Variants in MYH11 observed in about 807,000 individuals in gnomAD.
MYH11 encodes myosin-11.
Under a neutral mutation model 246.6 loss-of-function variants are expected in MYH11, and 80 were observed. The observed-to-expected ratio is 0.32, with a 90% confidence interval of 0.27 to 0.39. The LOEUF (loss-of-function observed/expected upper bound fraction) is 0.39. Among genes scored for constraint, MYH11 ranks in the 10% least tolerant of loss-of-function variants. The pLI, the probability that MYH11 is intolerant of heterozygous loss-of-function variation, is 1.00. For missense variants in MYH11, 2,158 were observed against 2,546.8 expected, an observed-to-expected ratio of 0.85 and a Z score of 3.29; for synonymous variants, 1,071 against 1,015.5, an observed-to-expected ratio of 1.05 and a Z score of -1.04.
intron 2 of MYH11, among the ~76,000 whole-genome samples, chr16:15,826,445 TG>T (rs1329208704): frequency 6.6e-6 from 1 of 151,722 alleles, no homozygotes; most frequent in Non-Finnish European, 1.5e-5. Context: ...AAAAATTAGC[TG>T]GGCATGGTGG....
At chr16:15,711,575 A>G (rs1265409679) in intron 40 of MYH11, among the ~76,000 whole-genome samples, 1 of 152,196 alleles carries the variant, frequency 6.6e-6, no homozygotes, top group Non-Finnish European at 1.5e-5. Flanking sequence ...AGATCAAGTC[A>G]TTGGTATTAA....
chr16:15,751,118 G>GTATTAT (rs56124315), intron 15 of MYH11, among the ~76,000 whole-genome samples: 465 of 143,300 alleles, frequency 3.2e-3, no homozygotes, highest in East Asian at 4.1e-3. Context: ...CAAAAAGTAG[G>GTATTAT]TATTATTATT....
intron 13 of MYH11, among the ~76,000 whole-genome samples, 192 bp from the exon 14 acceptor site, chr16:15,756,706 A>G (rs536423008): frequency 3.3e-5 from 5 of 152,096 alleles, no homozygotes; most frequent in Non-Finnish European, 2.9e-5. Context: ...CCAATGGACC[A>G]GTAACAGGGA....
At chr16:15,798,478 T>C (rs1288600460) in intron 4 of MYH11, among the ~76,000 whole-genome samples, 182 bp downstream of exon 4, 1 of 152,020 alleles carries the variant, frequency 6.6e-6, no homozygotes, top group Non-Finnish European at 1.5e-5. Context: ...CAGAAGACCA[T>C]ATATCACAAA....
At chr16:15,800,428 GAAGA>G (rs772435042) in intron 3 of MYH11, among the ~76,000 whole-genome samples, 1 of 151,150 alleles carries the variant, frequency 6.6e-6, no homozygotes, top group African/African-American at 2.4e-5. Context: ...GGATAGATAG[GAAGA>G]AAGAAAGAAG....
At chr16:15,827,369 G>A (rs1264519101) in intron 2 of MYH11, among the ~76,000 whole-genome samples, 5 of 152,214 alleles carry the variant, frequency 3.3e-5, no homozygotes, top group African/African-American at 1.2e-4. Context: ...ACCAGCTCAA[G>A]ACAAAGCAGG....
intron 13 of MYH11, among the ~76,000 whole-genome samples, chr16:15,756,758 C>T (rs1178671711): frequency 6.6e-6 from 1 of 150,840 alleles, no homozygotes; most frequent in Non-Finnish European, 1.5e-5. Context: ...CCCTAGTGGG[C>T]AACACGCAGG....
chr16:15,711,208 C>G (rs1456930006), intron 40 of MYH11: 1 of 152,356 alleles, frequency 6.6e-6, no homozygotes, highest in Admixed American at 6.5e-5. Flanking sequence ...CCCTGTCTCA[C>G]GCAGTGGTCC....
intron 1 of MYH11, among the ~76,000 whole-genome samples, chr16:15,841,182 A>G (rs2151384740): frequency 6.6e-6 from 1 of 152,304 alleles, no homozygotes. Flanking sequence ...TCTGTTGTCT[A>G]TGCTGGAGGG....
chr16:15,720,014 TCCAGAAAAACC>T, intron 34 of MYH11, 126 bp downstream of exon 34: 1 of 1,263,756 alleles, frequency 7.9e-7, no homozygotes, highest in Admixed American at 1.8e-5. Flanking sequence ...CCTGAATGGT[TCCAGAAAAACC>T]CCAGCTGAAC....
In MYH11 at chr16:15,715,016, G is replaced by A. The variant is rs1382247634; in HGVS notation, c.5679C>T (p.Ser1893=). 2 of 1,613,780 alleles carry A rather than the reference G, an allele frequency of 1.2e-6. No individual in the cohort carries two copies. Among genetic ancestry groups the A allele is most frequent in the African/African-American group, 1.3e-5 (1 of 74,908 alleles). The change falls in exon 40 of 41, where the codon TCC becomes TCT. Residue 1893 remains serine (S), a synonymous_variant. Transcript: ENST00000300036. ...TCCTGCGGTTGGCGTTGATGCGCTG[G>A]GACTCCTCCTCTGCCTCCTCCAGCT... ...KRQLEEAEEE[S]QRINANRRKL...
intron 11 of MYH11, 128 bp from the exon 12 acceptor site, chr16:15,759,856 G>T: frequency 1.6e-6 from 2 of 1,226,746 alleles, no homozygotes; most frequent in Non-Finnish European, 1.1e-6. Flanking sequence ...CAGCACTTTG[G>T]GAGGCCGAGG....
At chr16:15,707,186 G>A (rs1567672492) in intron 40 of MYH11, among the ~76,000 whole-genome samples, 1 of 152,198 alleles carries the variant, frequency 6.6e-6, no homozygotes, top group East Asian at 1.9e-4. Context: ...CTACAGACAT[G>A]CCACCACTCC....
At chr16:15,728,554 T>C (rs989925887) in intron 27 of MYH11, among the ~76,000 whole-genome samples, 5 of 151,782 alleles carry the variant, frequency 3.3e-5, no homozygotes, top group African/African-American at 1.2e-4. Context: ...AAGGGAAACT[T>C]ATTTTATGGA....
chr16:15,739,957 G>C (rs2041224660), intron 23 of MYH11, 94 bp downstream of exon 23: 7 of 1,365,276 alleles, frequency 5.1e-6, no homozygotes, highest in Non-Finnish European at 7.2e-6. Context: ...GGCCAGGCTA[G>C]TCTCAAACTC....
At chr16:15,726,704 C>T in intron 28 of MYH11, 144 bp downstream of exon 28, 3 of 935,056 alleles carry the variant, frequency 3.2e-6, no homozygotes, top group South Asian at 1.4e-5. Context: ...ACAGGGAGAT[C>T]ATCGCCTCTC....
intron 40 of MYH11, among the ~76,000 whole-genome samples, chr16:15,711,510 A>G (rs753758900): frequency 6.6e-6 from 1 of 152,192 alleles, no homozygotes; most frequent in East Asian, 1.9e-4. Context: ...GTTTAAAAAT[A>G]TAGAGGAGGT....
chr16:15,785,011 T>TTTTTTTTC (rs2042437530), intron 5 of MYH11: 1 of 239,124 alleles, frequency 4.2e-6, no homozygotes, highest in African/African-American at 2.8e-5. Flanking sequence ...TCTCTTGATT[T>TTTTTTTTC]TTTTTTTTTT....
intron 6 of MYH11, 54 bp from the exon 7 acceptor site, chr16:15,778,897 C>A (rs1173481775): frequency 6.4e-7 from 1 of 1,566,734 alleles, no homozygotes; most frequent in East Asian, 2.2e-5. Flanking sequence ...AGCCGTTAAC[C>A]CCATGCTGTG....
Sources: gnomAD v4.1 joint callset for allele counts (sites outside exome capture counted in the v4.1 genomes callset) on GRCh38, gnomAD v4.1.1 for gene constraint, MANE v1.5 for transcripts, NCBI Gene and HGNC (gene_info 2026-07-23, HGNC 2026-07-21) for gene names.